CAPN8: variants seen among roughly 807,000 people sequenced by gnomAD.
The protein encoded by CAPN8 is calpain-8.
CAPN8 carries 87 observed loss-of-function variants against 80.9 expected under a neutral mutation model. The observed-to-expected ratio is 1.07, with a 90% CI of 0.90 to 1.28. The LOEUF is 1.28. Ranked by LOEUF, CAPN8 falls within the 50% of genes most tolerant of loss-of-function variation. CAPN8 has a pLI of 0.00. For missense variants in CAPN8, 757 were observed against 702.0 expected (o/e 1.08, Z -0.89); for synonymous variants, 299 against 273.8 (o/e 1.09, Z -0.91).
At chr1:223,547,536 T>A (rs1211235004) in intron 16 of CAPN8, among the ~76,000 whole-genome samples, 1 of 152,230 alleles carries the variant, frequency 6.6e-6, no homozygotes, top group Non-Finnish European at 1.5e-5. Flanking sequence ...TTCTAAATTA[T>A]GTGATGATGG....
intron 6 of CAPN8, among the ~76,000 whole-genome samples, chr1:223,625,247 G>C (rs1657533804): frequency 6.6e-6 from 1 of 151,988 alleles, no homozygotes; most frequent in Non-Finnish European, 1.5e-5. Flanking sequence ...TTGGGATTTT[G>C]TGAGTTCCCA....
Position 223,628,089 on chromosome 1 carries a change from G to T in CAPN8, c.480C>A (p.Thr160=). 6.4e-7 allele frequency: 1 copy of T among 1,551,282 alleles called. No individual in the cohort carries two copies. ...VEVVIDDRLP[T]KNGQLLFLHS... ...GTAGGAAGAGCAGCTGTCCATTCTT[G>T]GTGGGCAGCCTGTCGTCAATGACCA... The change falls in exon 4 of 21, where the codon ACC becomes ACA. Residue 160 remains threonine (T), a synonymous_variant. Transcript: ENST00000366872.
chr1:223,542,950 A>T (rs1254606037), intron 20 of CAPN8, among the ~76,000 whole-genome samples, 158 bp downstream of exon 20: 2 of 152,212 alleles, frequency 1.3e-5, no homozygotes, highest in Non-Finnish European at 2.9e-5. Context: ...ACTGTATAAC[A>T]GTTGCCTTCC....
At chr1:223,639,392 A>G (rs964826753) in intron 2 of CAPN8, among the ~76,000 whole-genome samples, 9 of 152,356 alleles carry the variant, frequency 5.9e-5, no homozygotes, top group South Asian at 4.1e-4. Flanking sequence ...CACCCTCATC[A>G]GTGTATTGCA....
At chr1:223,645,895 G>T (rs889071661) in intron 2 of CAPN8, among the ~76,000 whole-genome samples, 9 of 152,188 alleles carry the variant, frequency 5.9e-5, no homozygotes, top group African/African-American at 1.9e-4. Context: ...AAGGGAGAGG[G>T]TAAACCAAAG....
chr1:223,544,254 G>A lies in CAPN8; in HGVS notation c.1913-71C>T, dbSNP rs146235503. ...GCACTGTCTCCCATAAACACTCAAG[G>A]AGCTGACATCCCAGGGGCCCCTCTG... On this transcript the variant is annotated intron_variant, in intron 18 of 20. Coordinates refer to ENST00000366872, the MANE Select transcript of CAPN8 (RefSeq NM_001143962.2). 8.6e-5 allele frequency: 60 copies of A among 694,732 alleles called. No individual in the cohort carries two copies. The East Asian group carries it at 1.5e-3, about 17-fold the overall frequency. The allele number at this position is 694,732 out of a possible 1,614,324, so 43.0% of individuals were successfully genotyped here. A position where few individuals can be genotyped will look rare whatever the true frequency, so the allele number is the denominator to read the frequency against.
At position 223,545,821 on chromosome 1, in the gene CAPN8, C is replaced by CTTTTTTTT. The variant is rs141485616; in HGVS notation, c.1765-530_1765-523dup. On this transcript the variant is annotated intron_variant, in intron 16 of 20. Coordinates refer to ENST00000366872, the MANE Select transcript of CAPN8 (RefSeq NM_001143962.2). ...TGTCCAACTTACATTCACTCCACAA[C>CTTTTTTTT]TTTTTTTTTTTTTTTTTTTTTTGAG... Among the ~76,000 whole-genome samples, 9 of 98,580 alleles carry CTTTTTTTT rather than the reference C, an allele frequency of 9.1e-5. 1 individual carries two copies. Among genetic ancestry groups the CTTTTTTTT allele is most frequent in the African/African-American group, 3.0e-4 (7 of 23,044 alleles). The allele number at this position is 98,580 out of a possible 152,430, so 64.7% of individuals were successfully genotyped here. A position where few individuals can be genotyped will look rare whatever the true frequency, so the allele number is the denominator to read the frequency against.
chr1:223,551,374 A>G (rs1241705935), intron 14 of CAPN8, among the ~76,000 whole-genome samples: 5 of 152,028 alleles, frequency 3.3e-5, no homozygotes, highest in Non-Finnish European at 7.4e-5. Context: ...AACTCCTGAC[A>G]TCGTGATCTG....
chr1:223,631,396 CT>C (rs1454117338), intron 2 of CAPN8, among the ~76,000 whole-genome samples: 1 of 152,160 alleles, frequency 6.6e-6, no homozygotes, highest in African/African-American at 2.4e-5. Context: ...TTCCTTACCC[CT>C]ATCCCTGGCC....
intron 2 of CAPN8, among the ~76,000 whole-genome samples, chr1:223,651,789 A>C (rs944761338): frequency 3.9e-5 from 6 of 152,260 alleles, no homozygotes; most frequent in African/African-American, 1.4e-4. Context: ...CTGTTATGGA[A>C]AGATCCCCCA....
rs759508696 is a variant in CAPN8 at position 223,620,133 on chromosome 1, C to G, written c.974+59G>C. The stretch of plus-strand genomic sequence containing the variant: ...AGACCCAGAGACCTAGAGTTCACAT[C>G]AGAACTGAAAATGGACCCATCACCA... On this transcript the variant is annotated intron_variant, in intron 8 of 20. Coordinates refer to ENST00000366872, the MANE Select transcript of CAPN8 (RefSeq NM_001143962.2). 12 of 1,424,946 alleles carry G rather than the reference C, an allele frequency of 8.4e-6. No individual in the cohort carries two copies. In the African/African-American group the frequency reaches 1.1e-4, roughly 14 times the overall value. 88.3% of individuals were successfully genotyped at this position (1,424,946 alleles called of 1,614,324 possible).
chr1:223,635,120 T>A (rs1572247864), intron 2 of CAPN8, among the ~76,000 whole-genome samples: 1 of 152,350 alleles, frequency 6.6e-6, no homozygotes, highest in Admixed American at 6.5e-5. Context: ...GCTTGTTTTT[T>A]AAAAATCTGT....
At chr1:223,644,288 C>T (rs10495212) in intron 2 of CAPN8, 48,852 of 259,794 alleles carry the variant, frequency 0.19, 5,317 homozygotes, top group East Asian at 0.28. Flanking sequence ...AGAGCCATAC[C>T]TGAATCTGGG....
At position 223,625,724 on chromosome 1, in the gene CAPN8, C is replaced by T. The variant is rs558698060; in HGVS notation, c.813+81G>A. On this transcript the variant is annotated intron_variant, in intron 6 of 20. Transcript: ENST00000366872. The stretch of plus-strand genomic sequence containing the variant: ...ATTCCGAACCTTCTAGTAGTAATCA[C>T]CTCTTTCCTCCTGTCGAGATGGCTT... 424 of 1,274,894 alleles carry T rather than the reference C, an allele frequency of 3.3e-4. 4 individuals are homozygous for T. The African/African-American group carries it at 5.6e-3, about 17-fold the overall frequency. The allele number at this position is 1,274,894 out of a possible 1,614,324, so 79.0% of individuals were successfully genotyped here.
At chr1:223,652,296 C>T (rs929332167) in intron 2 of CAPN8, among the ~76,000 whole-genome samples, 2 of 151,912 alleles carry the variant, frequency 1.3e-5, no homozygotes, top group African/African-American at 4.8e-5. Flanking sequence ...GAGCCGATAT[C>T]GGGCCACTGC....
intron 18 of CAPN8, 83 bp from the exon 19 acceptor site, chr1:223,544,266 C>T: frequency 1.5e-6 from 1 of 684,246 alleles, no homozygotes; most frequent in Non-Finnish European, 2.7e-6. Context: ...GCTGACATCC[C>T]AGGGGCCCCT....
rs1394645375 is a variant in CAPN8, at chr1:223,615,907, G to A, written c.1311+63C>T. The stretch of plus-strand genomic sequence containing the variant: ...TAGGAAAGATGTGCTACAATGACTG[G>A]CCAAGATATTCAGCCCCAAAACATC... On this transcript the variant is annotated intron_variant, in intron 10 of 20. Transcript: ENST00000366872. The A allele has an allele frequency of 4.6e-6, 7 of 1,532,880 alleles. No individual in the cohort carries two copies. In the Admixed American group the frequency reaches 9.8e-5, roughly 21 times the overall value. 95.0% of individuals were successfully genotyped at this position (1,532,880 alleles called of 1,614,324 possible).
rs1267983531 is a variant in CAPN8 at position 223,619,470 on chromosome 1, A to T, written c.975-17T>A. Reference sequence around the variant, plus strand: ...AGTGACATCCTGGGGCAGAGGCACCAGAGGGCTCTCAGTGAAGAGGGCTGG... The same window carrying T: ...AGTGACATCCTGGGGCAGAGGCACCTGAGGGCTCTCAGTGAAGAGGGCTGG... On this transcript the variant is annotated splice_polypyrimidine_tract_variant and intron_variant, in intron 8 of 20. Coordinates refer to ENST00000366872, the MANE Select transcript of CAPN8 (RefSeq NM_001143962.2). 6.4e-7 allele frequency: 1 copy of T among 1,551,446 alleles called. No individual in the cohort carries two copies. Among genetic ancestry groups the T allele is most frequent in the Admixed American group, 2.0e-5 (1 of 51,002 alleles).
At chr1:223,650,360 C>T (rs576201720) in intron 2 of CAPN8, among the ~76,000 whole-genome samples, 114 of 152,288 alleles carry the variant, frequency 7.5e-4, no homozygotes, top group Middle Eastern at 3.4e-3. Context: ...GGTTCCCAGT[C>T]ACAAGAGGCT....
Sources: allele counts gnomAD v4.1 joint callset (sites outside exome capture counted in the v4.1 genomes callset), GRCh38; gene constraint gnomAD v4.1.1; transcripts MANE v1.5; gene names NCBI Gene and HGNC (gene_info 2026-07-23, HGNC 2026-07-21).